The following PLPP4 variants were observed in gnomAD, a reference collection of about 807,000 sequenced individuals.
PLPP4 encodes diacylglycerol pyrophosphate like 2.
A neutral mutation model predicts 32.2 loss-of-function variants in PLPP4; 20 were observed. That is an observed-to-expected ratio of 0.62 (90% CI 0.44 to 0.90). PLPP4 has a LOEUF of 0.90. Ranked by LOEUF, PLPP4 falls within the 40% of genes least tolerant of loss-of-function variation. The pLI is 0.00. For synonymous variants in PLPP4, 127 were observed against 133.0 expected, an observed-to-expected ratio of 0.95 and a Z score of 0.31; for missense variants, 257 against 353.1, an observed-to-expected ratio of 0.73 and a Z score of 2.18.
rs1240698395 is a variant in PLPP4, at chr10:120,581,255, C to T, written c.616+5954C>T. ...TTGTTTTACTCAAGGGAACCTGTCT[C>T]TTCTCAGCTTTCTGTGGTGTTCTGT... On this transcript the variant is annotated intron_variant, in intron 6 of 6. Coordinates refer to ENST00000398250, the MANE Select transcript of PLPP4 (RefSeq NM_001030059.3). The T allele has an allele frequency of 5.1e-6, 5 of 985,322 alleles. No individual in the cohort carries two copies. In the East Asian group the frequency reaches 5.7e-4, roughly 112 times the overall value. The allele number at this position is 985,322 out of a possible 1,614,324, so 61.0% of individuals were successfully genotyped here.
intron 5 of PLPP4, among the ~76,000 whole-genome samples, chr10:120,526,999 C>T (rs1846423667): frequency 6.6e-6 from 1 of 152,138 alleles, no homozygotes; most frequent in South Asian, 2.1e-4. Context: ...ATGTGGTGTT[C>T]AGGTGCTCCG....
intron 1 of PLPP4, among the ~76,000 whole-genome samples, chr10:120,479,514 T>G (rs1844103284): frequency 6.6e-6 from 1 of 152,234 alleles, no homozygotes; most frequent in African/African-American, 2.4e-5. Flanking sequence ...GTCCGTTATT[T>G]ATTGGTGTCC....
At chr10:120,539,178 C>CTGCTGGCTG (rs1847220214) in intron 5 of PLPP4, among the ~76,000 whole-genome samples, 1 of 152,198 alleles carries the variant, frequency 6.6e-6, no homozygotes, top group Non-Finnish European at 1.5e-5. Flanking sequence ...GCTGCCAGAA[C>CTGCTGGCTG]CCATGCTGCC....
At chr10:120,503,339 C>T (rs1383943280) in intron 1 of PLPP4, among the ~76,000 whole-genome samples, 1 of 152,196 alleles carries the variant, frequency 6.6e-6, no homozygotes, top group East Asian at 1.9e-4. Flanking sequence ...CCCTGCATCT[C>T]TGCCCCTTTC....
intron 1 of PLPP4, among the ~76,000 whole-genome samples, chr10:120,459,572 A>T (rs967075692): frequency 1.3e-5 from 2 of 152,122 alleles, no homozygotes; most frequent in Non-Finnish European, 1.5e-5. Context: ...GGTTGTACCT[A>T]CCTCTGCTCA....
At chr10:120,577,604 G>T (rs1225192273) in intron 6 of PLPP4, among the ~76,000 whole-genome samples, 1 of 152,152 alleles carries the variant, frequency 6.6e-6, no homozygotes, top group East Asian at 1.9e-4. Flanking sequence ...GTGGGCTGTT[G>T]GGAAAGCAAA....
intron 5 of PLPP4, among the ~76,000 whole-genome samples, chr10:120,553,803 G>A (rs1180554744): frequency 2.0e-5 from 3 of 152,202 alleles, no homozygotes; most frequent in Admixed American, 2.0e-4. Context: ...ATGAGGCTGA[G>A]TGCCATGTCC....
intron 1 of PLPP4, among the ~76,000 whole-genome samples, chr10:120,490,803 G>C (rs1469650175): frequency 1.3e-5 from 2 of 152,162 alleles, no homozygotes; most frequent in Non-Finnish European, 2.9e-5. Context: ...GGAGCCAGGG[G>C]AACTCAGATG....
Position 120,589,609 on chromosome 10 carries a change from T to C in PLPP4, c.*107T>C. On this transcript the variant is annotated 3_prime_UTR_variant, in exon 7 of 7. Transcript: ENST00000398250. ...TAGTGTATTTTTCATCAGTTGTTTC[T>C]CAAAGTCATCGTACTTCTGCTTCTG... 1.2e-6 allele frequency: 1 copy of C among 849,958 alleles called. No homozygotes were observed. Among genetic ancestry groups the C allele is most frequent in the Non-Finnish European group, 1.8e-6 (1 of 557,506 alleles). 52.7% of individuals were successfully genotyped at this position (849,958 alleles called of 1,614,324 possible).
intron 1 of PLPP4, among the ~76,000 whole-genome samples, chr10:120,470,773 C>CA (rs1398568637): frequency 4.6e-5 from 7 of 151,884 alleles, no homozygotes; most frequent in Non-Finnish European, 1.0e-4. Flanking sequence ...AATTTGCCCC[C>CA]CCGTACTCAC....
At chr10:120,519,989 G>A (rs1846085063) in intron 4 of PLPP4, among the ~76,000 whole-genome samples, 1 of 152,210 alleles carries the variant, frequency 6.6e-6, no homozygotes, top group East Asian at 1.9e-4. Context: ...CTTACGGGAT[G>A]TGTGTGACCT....
rs116338381 is a variant in PLPP4 at position 120,544,055 on chromosome 10, G to A, written c.445+22960G>A. 3.4e-3 allele frequency among the ~76,000 whole-genome samples: 525 copies of A among 152,224 alleles called. 3 individuals carry two copies. Among genetic ancestry groups the A allele is most frequent in the African/African-American group, 0.012 (486 of 41,520 alleles). The stretch of plus-strand genomic sequence containing the variant: ...GTTGCTCTCATGTTTTAGCTATTGC[G>A]AATAATGCTGCTACAGACACAGGGG... On this transcript the variant is annotated intron_variant, in intron 5 of 6. Coordinates refer to ENST00000398250, the MANE Select transcript of PLPP4 (RefSeq NM_001030059.3).
chr10:120,588,297 TTC>T (rs1171381362), intron 6 of PLPP4, among the ~76,000 whole-genome samples: 1 of 152,228 alleles, frequency 6.6e-6, no homozygotes, highest in Non-Finnish European at 1.5e-5. Flanking sequence ...TACCTGAATG[TTC>T]TCTTTGGCAG....
intron 6 of PLPP4, among the ~76,000 whole-genome samples, chr10:120,576,522 TCTC>T (rs1378328274): frequency 6.6e-6 from 1 of 152,176 alleles, no homozygotes; most frequent in Non-Finnish European, 1.5e-5. Context: ...CTACACAGCT[TCTC>T]CTGTTCCTTC....
At chr10:120,489,188 G>A (rs1489841211) in intron 1 of PLPP4, among the ~76,000 whole-genome samples, 1 of 152,174 alleles carries the variant, frequency 6.6e-6, no homozygotes, top group East Asian at 1.9e-4. Flanking sequence ...CCATCAGTTG[G>A]GATAGATGAT....
At chr10:120,471,683 T>C (rs1589720939) in intron 1 of PLPP4, among the ~76,000 whole-genome samples, 1 of 152,108 alleles carries the variant, frequency 6.6e-6, no homozygotes, top group Non-Finnish European at 1.5e-5. Flanking sequence ...CTTTTAACTT[T>C]ATCTGTCTAG....
intron 5 of PLPP4, among the ~76,000 whole-genome samples, chr10:120,532,341 T>C (rs1344103456): frequency 6.6e-6 from 1 of 152,170 alleles, no homozygotes; most frequent in East Asian, 1.9e-4. Flanking sequence ...TTCCAAGTCT[T>C]TGCTATTGTG....
intron 1 of PLPP4, among the ~76,000 whole-genome samples, chr10:120,472,647 G>T (rs1221458489): frequency 6.6e-6 from 1 of 151,938 alleles, no homozygotes. Flanking sequence ...ATAGTCCTAA[G>T]ACTTTATTTT....
At chr10:120,486,344 C>T (rs755876520) in intron 1 of PLPP4, among the ~76,000 whole-genome samples, 1 of 152,132 alleles carries the variant, frequency 6.6e-6, no homozygotes, top group Middle Eastern at 3.4e-3. Flanking sequence ...CCTCCGCCTC[C>T]ATGTCTACTG....
Sources: gnomAD v4.1 joint callset for allele counts (sites outside exome capture counted in the v4.1 genomes callset) on GRCh38, gnomAD v4.1.1 for gene constraint, MANE v1.5 for transcripts, NCBI Gene and HGNC (gene_info 2026-07-23, HGNC 2026-07-21) for gene names.